The following DDX1 variants were observed in gnomAD, a reference collection of about 807,000 sequenced individuals.
DDX1 encodes the protein DEAD-box helicase 1.
Under a neutral mutation model 108.7 loss-of-function variants are expected in DDX1, and 28 were observed. The observed-to-expected ratio is 0.26, with a 90% CI of 0.19 to 0.35. The LOEUF (loss-of-function observed/expected upper bound fraction) is 0.35, where lower values mean the gene tolerates loss of function less well. Ranked by LOEUF, DDX1 falls within the 10% of genes least tolerant of loss-of-function variation. DDX1 has a pLI of 1.00. For missense variants in DDX1, 710 were observed against 884.5 expected, an observed-to-expected ratio of 0.80 and a Z score of 2.50; for synonymous variants, 295 against 288.9, an observed-to-expected ratio of 1.02 and a Z score of -0.21.
At chr2:15,625,220 TATCA>T (rs1451561105) in intron 19 of DDX1, among the ~76,000 whole-genome samples, 1 of 147,620 alleles carries the variant, frequency 6.8e-6, no homozygotes, top group Non-Finnish European at 1.5e-5. Flanking sequence ...ATATACACTG[TATCA>T]ATCTATTTAT....
intron 6 of DDX1, among the ~76,000 whole-genome samples, 189 bp downstream of exon 6, chr2:15,599,905 TATGAG>T (rs1188617544): frequency 6.6e-6 from 1 of 152,178 alleles, no homozygotes; most frequent in Non-Finnish European, 1.5e-5. Flanking sequence ...TCTCAGCACA[TATGAG>T]AAGTTATATG....
chr2:15,630,990 A>T lies in DDX1; in HGVS notation c.*84A>T. 2 of 1,329,856 alleles carry T rather than the reference A, an allele frequency of 1.5e-6. No homozygotes were observed. The highest frequency in any genetic ancestry group is 1.0e-6 in the Non-Finnish European group (1 of 956,174). 82.4% of individuals were successfully genotyped at this position (1,329,856 alleles called of 1,614,324 possible). On this transcript the variant is annotated 3_prime_UTR_variant, in exon 26 of 26. Transcript: ENST00000233084. ...AACAGTTGTACTGCTTCCAAGCAGC[A>T]GTATTTATAGTAACGTAAGCTATTA... is the stretch of plus-strand genomic sequence containing the variant.
At chr2:15,597,536 A>G in intron 5 of DDX1, 65 bp downstream of exon 5, 1 of 1,094,618 alleles carries the variant, frequency 9.1e-7, no homozygotes, top group Non-Finnish European at 1.4e-6. Flanking sequence ...GACAGTTAGG[A>G]AAGTGAGATT....
At chr2:15,602,829 G>A (rs918177866) in intron 7 of DDX1, among the ~76,000 whole-genome samples, 198 bp downstream of exon 7, 34 of 152,108 alleles carry the variant, frequency 2.2e-4, no homozygotes, top group African/African-American at 7.7e-4. Context: ...TTCTCCTACC[G>A]CAGCTTCCCG....
intron 14 of DDX1, among the ~76,000 whole-genome samples, chr2:15,614,185 C>T (rs770688714): frequency 2.9e-4 from 44 of 152,244 alleles, no homozygotes; most frequent in Non-Finnish European, 4.9e-4. Flanking sequence ...AAATATTTTT[C>T]GTGTGTGAAA....
rs751531563 is a variant in DDX1 at position 15,607,199 on chromosome 2, A to G, written c.842A>G (p.Lys281Arg). The G allele has an allele frequency of 2.5e-6, 4 of 1,613,986 alleles. No individual in the cohort carries two copies. The highest frequency in any genetic ancestry group is 1.1e-5 in the South Asian group (1 of 91,070). Residue 281 changes from lysine to arginine, a missense_variant, in exon 13 of 26, where the codon AAG becomes AGG. Lys to Arg is a conservative substitution (Grantham distance 26). This residue lies in a region of DDX1 where 661 missense variants were observed against 810.2 expected (regional missense o/e 0.82). Coordinates refer to ENST00000233084, the MANE Select transcript of DDX1 (RefSeq NM_004939.3). ...GGTAATGCACAGGTGACACAAACAA[A>G]GTTTCTCCCCAATGCTCCGAAAGCT... The part of the protein sequence containing the change: ...HSGNAQVTQT[K>R]FLPNAPKALI...
chr2:15,624,040 G>A (rs1666056252), intron 19 of DDX1, among the ~76,000 whole-genome samples: 1 of 152,124 alleles, frequency 6.6e-6, no homozygotes, highest in African/African-American at 2.4e-5. Context: ...CTGAATGTAT[G>A]AGTAAACACT....
At chr2:15,624,915 C>A (rs886749880) in intron 19 of DDX1, among the ~76,000 whole-genome samples, 1 of 152,082 alleles carries the variant, frequency 6.6e-6, no homozygotes, top group Non-Finnish European at 1.5e-5. Flanking sequence ...TTTTATAAAG[C>A]TAAAAATGCT....
rs1204753880 is a variant in DDX1 at position 15,591,968 on chromosome 2, T to TG, written c.16+24dup. ...TTCTCCGGTGCGTTTGTGGAAACTC[T>TG]GGGGGTGGTGGGGCGGCTTGTTGCA... On this transcript the variant is annotated intron_variant, in intron 1 of 25. Coordinates refer to ENST00000233084, the MANE Select transcript of DDX1 (RefSeq NM_004939.3). The TG allele has an allele frequency of 1.4e-6, 2 of 1,404,392 alleles. No individual in the cohort carries two copies. The highest frequency in any genetic ancestry group is 1.5e-5 in the African/African-American group (1 of 65,568). 87.0% of individuals were successfully genotyped at this position (1,404,392 alleles called of 1,614,324 possible). A position where few individuals can be genotyped will look rare whatever the true frequency, so the allele number is the denominator to read the frequency against.
chr2:15,612,873 G>GGCGC (rs1188736564), intron 13 of DDX1, among the ~76,000 whole-genome samples: 4 of 151,838 alleles, frequency 2.6e-5, no homozygotes, highest in South Asian at 2.1e-4. Context: ...CAGGCGTGGT[G>GGCGC]GCGCGTGCCT....
At chr2:15,593,934 C>T (rs1358808452) in intron 1 of DDX1, among the ~76,000 whole-genome samples, 3 of 151,900 alleles carry the variant, frequency 2.0e-5, no homozygotes, top group Admixed American at 6.6e-5. Flanking sequence ...AAAAAATTAG[C>T]GGGCGTGGTG....
chr2:15,609,968 C>G (rs1161873878), intron 13 of DDX1, among the ~76,000 whole-genome samples: 2 of 152,188 alleles, frequency 1.3e-5, no homozygotes, highest in Non-Finnish European at 2.9e-5. Context: ...TGAGGTCTCA[C>G]TCTGTCACCT....
rs773858668 is a variant in DDX1 at position 15,630,000 on chromosome 2, A to C, written c.1982A>C (p.Glu661Ala). ...IWYNEMQLLS[E>A]IEEHLNCTIS... ...CTCTCCATTACTTAGTTACTATCTG[A>C]GATAGAAGAACACCTGAACTGTACC... The change falls in exon 25 of 26, where the codon GAG becomes GCG. Residue 661 changes from glutamate (E) to alanine (A), a missense_variant. Glu to Ala is a moderately radical substitution (Grantham distance 107, BLOSUM62 -1). Transcript: ENST00000233084. 2.5e-6 allele frequency: 4 copies of C among 1,602,540 alleles called. No homozygotes were observed. The highest frequency in any genetic ancestry group is 3.4e-6 in the Non-Finnish European group (4 of 1,176,496).
chr2:15,621,663 G>GT (rs1666010637), intron 18 of DDX1, among the ~76,000 whole-genome samples: 1 of 143,800 alleles, frequency 7.0e-6, no homozygotes, highest in Non-Finnish European at 1.5e-5. Context: ...TTTTTTTTTT[G>GT]TTTTTTTGAG....
intron 13 of DDX1, among the ~76,000 whole-genome samples, chr2:15,613,021 G>GGGGAGA (rs1201038298): frequency 2.6e-5 from 4 of 151,840 alleles, no homozygotes; most frequent in African/African-American, 4.8e-5. Context: ...GGGAGACCGT[G>GGGGAGA]GGGAGAGGGA....
chr2:15,606,091 G>T (rs1665656436), intron 11 of DDX1, 59 bp from the exon 12 acceptor site: 6 of 1,564,960 alleles, frequency 3.8e-6, no homozygotes, highest in Non-Finnish European at 5.3e-6. Context: ...TCATTATTTT[G>T]TATACGATGG....
Position 15,628,810 on chromosome 2 carries a change from A to G in DDX1, c.1846A>G (p.Ile616Val), listed in dbSNP as rs1193890743. 3 of 1,613,622 alleles carry G rather than the reference A, an allele frequency of 1.9e-6. No homozygotes were observed. The highest frequency in any genetic ancestry group is 1.7e-6 in the Non-Finnish European group (2 of 1,179,758). The change falls in exon 23 of 26, where the codon ATT (isoleucine) becomes GTT (valine). Residue 616 changes from isoleucine (I) to valine (V), a missense_variant. Physicochemically the swap from Ile to Val is conservative, Grantham distance 29. This residue lies in a region of DDX1 where 661 missense variants were observed against 810.2 expected (regional missense o/e 0.82). Transcript: ENST00000233084. ...VGRAERMGLA[I>V]SLVATEKEKV... ...ACCATCTTTCAGGATGGGTCTGGCA[A>G]TTTCCCTGGTGGCAACAGAAAAAGA...
At chr2:15,619,428 G>A (rs191847736) in intron 16 of DDX1, among the ~76,000 whole-genome samples, 1 of 152,172 alleles carries the variant, frequency 6.6e-6, no homozygotes, top group Non-Finnish European at 1.5e-5. Flanking sequence ...TTGGGGATGC[G>A]GGGCACAGGG....
chr2:15,612,742 C>T (rs1256030827), intron 13 of DDX1, among the ~76,000 whole-genome samples: 2 of 152,330 alleles, frequency 1.3e-5, no homozygotes, highest in African/African-American at 4.8e-5. Flanking sequence ...AGGGAGACTC[C>T]GTCTGCAATC....
Sources: gnomAD v4.1 joint callset for allele counts (sites outside exome capture counted in the v4.1 genomes callset) on GRCh38, gnomAD v4.1.1 for gene constraint, gnomAD v4.1.1 regional missense constraint, MANE v1.5 for transcripts, NCBI Gene and HGNC (gene_info 2026-07-23, HGNC 2026-07-21) for gene names.